Variants in MGAT4C observed in about 807,000 individuals in gnomAD.
The protein encoded by MGAT4C is MGAT4 family member C, also known as alpha-1,3-mannosyl-glycoprotein 4-beta-N-acetylglucosaminyltransferase C.
A neutral mutation model predicts 40.1 loss-of-function variants in MGAT4C; 19 were observed. The observed-to-expected ratio is 0.47, with a 90% CI of 0.33 to 0.70. The LOEUF is 0.70. Among genes scored for constraint, MGAT4C ranks in the 30% least tolerant of loss-of-function variants. The pLI, the probability that MGAT4C is intolerant of heterozygous loss-of-function variation, is 0.02. For missense variants in MGAT4C, 491 were observed against 563.2 expected (o/e 0.87, Z 1.30); for synonymous variants, 181 against 187.1 (o/e 0.97, Z 0.27).
intron 3 of MGAT4C, among the ~76,000 whole-genome samples, chr12:86,381,373 TAACTTTCAGTTTG>T: frequency 6.6e-6 from 1 of 152,344 alleles, no homozygotes. Context: ...GCTGATGGTG[TAACTTTCAGTTTG>T]AGTCTGAAAG....
chr12:86,615,705 A>T (rs182089713), intron 2 of MGAT4C, among the ~76,000 whole-genome samples: 2 of 152,210 alleles, frequency 1.3e-5, no homozygotes, highest in East Asian at 3.9e-4. Context: ...TGGGAACATA[A>T]AAAAATGAGA....
intron 3 of MGAT4C, among the ~76,000 whole-genome samples, chr12:86,415,246 T>C (rs1200835895): frequency 6.6e-6 from 1 of 152,040 alleles, no homozygotes; most frequent in Non-Finnish European, 1.5e-5. Flanking sequence ...ACAGGTGTTC[T>C]AATTGTAGCA....
intron 2 of MGAT4C, among the ~76,000 whole-genome samples, chr12:86,648,911 T>C (rs1254771740): frequency 6.6e-6 from 1 of 151,742 alleles, no homozygotes; most frequent in African/African-American, 2.4e-5. Context: ...GTTCTCTCTA[T>C]AGATTTTTTT....
intron 1 of MGAT4C, among the ~76,000 whole-genome samples, chr12:86,223,675 C>T (rs1446387116): frequency 6.6e-6 from 1 of 152,156 alleles, no homozygotes; most frequent in African/African-American, 2.4e-5. Context: ...TGGCCTAGTC[C>T]TGTTCACTTT....
intron 1 of MGAT4C, among the ~76,000 whole-genome samples, chr12:86,173,440 A>C (rs1887061630): frequency 6.6e-6 from 1 of 152,134 alleles, no homozygotes. Flanking sequence ...ATTTAAGGAT[A>C]TTTCAATTAA....
At chr12:86,559,486 A>C (rs919179194) in intron 2 of MGAT4C, among the ~76,000 whole-genome samples, 1 of 151,998 alleles carries the variant, frequency 6.6e-6, no homozygotes, top group African/African-American at 2.4e-5. Flanking sequence ...GAAACTAGAA[A>C]TCAATAACAA....
chr12:86,265,704 A>T, intron 4 of MGAT4C, among the ~76,000 whole-genome samples: 1 of 152,098 alleles, frequency 6.6e-6, no homozygotes, highest in East Asian at 1.9e-4. Flanking sequence ...TGACATTGGT[A>T]TTTTGATATA....
At chr12:86,630,987 T>C (rs1963017674) in intron 2 of MGAT4C, among the ~76,000 whole-genome samples, 1 of 152,196 alleles carries the variant, frequency 6.6e-6, no homozygotes, top group East Asian at 1.9e-4. Flanking sequence ...GAAGACATGA[T>C]GGTATATTTA....
chr12:86,631,685 G>A (rs1593063082), intron 2 of MGAT4C, among the ~76,000 whole-genome samples: 1 of 152,060 alleles, frequency 6.6e-6, no homozygotes. Context: ...ATGGTGCTGG[G>A]AAAACTGGCT....
At chr12:86,812,716 T>C (rs1952501530) in intron 1 of MGAT4C, among the ~76,000 whole-genome samples, 1 of 152,252 alleles carries the variant, frequency 6.6e-6, no homozygotes, top group Non-Finnish European at 1.5e-5. Context: ...GTGAAGTGTA[T>C]GTCTTCACTT....
intron 3 of MGAT4C, among the ~76,000 whole-genome samples, chr12:86,348,021 A>G (rs1426612187): frequency 6.6e-6 from 1 of 152,176 alleles, no homozygotes; most frequent in Admixed American, 6.6e-5. Context: ...TACACACACA[A>G]ACATTGTGTA....
At chr12:86,813,600 T>A (rs191528182) in intron 1 of MGAT4C, among the ~76,000 whole-genome samples, 1 of 152,196 alleles carries the variant, frequency 6.6e-6, no homozygotes, top group Non-Finnish European at 1.5e-5. Flanking sequence ...CAATATTTTT[T>A]ATAACCATAA....
chr12:86,812,600 T>C (rs1161704865), intron 1 of MGAT4C, among the ~76,000 whole-genome samples: 2 of 152,130 alleles, frequency 1.3e-5, no homozygotes, highest in African/African-American at 4.8e-5. Flanking sequence ...TATTAGGCCG[T>C]ATATATTATA....
intron 1 of MGAT4C, among the ~76,000 whole-genome samples, chr12:86,254,586 A>G (rs552478749): frequency 4.6e-5 from 7 of 152,202 alleles, no homozygotes; most frequent in Non-Finnish European, 7.4e-5. Context: ...GGGTTTTTCA[A>G]CTTCACTATA....
intron 1 of MGAT4C, among the ~76,000 whole-genome samples, chr12:86,132,778 C>G (rs1196465579): frequency 9.0e-6 from 1 of 111,202 alleles, no homozygotes; most frequent in South Asian, 2.9e-4. Context: ...GGCTACAGAG[C>G]GAGACTCCGT....
intron 1 of MGAT4C, among the ~76,000 whole-genome samples, chr12:86,252,623 G>A (rs1355500286): frequency 6.6e-6 from 1 of 151,654 alleles, no homozygotes; most frequent in Non-Finnish European, 1.5e-5. Flanking sequence ...TGAAAAAATT[G>A]GCCTTAAAAA....
chr12:86,830,758 T>C (rs1052895329), intron 1 of MGAT4C, among the ~76,000 whole-genome samples: 2 of 141,522 alleles, frequency 1.4e-5, no homozygotes, highest in African/African-American at 5.1e-5. Context: ...CAAACAAACT[T>C]GTCACAGGTA....
chr12:86,677,388 A>G (rs904772905), intron 2 of MGAT4C, among the ~76,000 whole-genome samples: 7 of 152,136 alleles, frequency 4.6e-5, no homozygotes, highest in African/African-American at 7.2e-5. Context: ...ACCAATGGCT[A>G]TAGAGCTATG....
intron 2 of MGAT4C, among the ~76,000 whole-genome samples, chr12:86,705,276 C>A (rs922053327): frequency 6.7e-6 from 1 of 148,910 alleles, no homozygotes; most frequent in African/African-American, 2.5e-5. Flanking sequence ...CTAATTTGTC[C>A]ACCTATCCAT....
Sources: allele counts gnomAD v4.1 joint callset (sites outside exome capture counted in the v4.1 genomes callset), GRCh38; gene constraint gnomAD v4.1.1; transcripts MANE v1.5; gene names NCBI Gene and HGNC (gene_info 2026-07-23, HGNC 2026-07-21).